CPNE4: variants seen among roughly 807,000 people sequenced by gnomAD.
The protein encoded by CPNE4 is copine 4, also known as copine-4.
In CPNE4, 25 loss-of-function variants were observed where a neutral mutation model predicts 67.9. The ratio of observed to expected loss-of-function variants is 0.37; its 90% confidence interval spans 0.27 to 0.51. The LOEUF is 0.51. Ranked by LOEUF, CPNE4 falls within the 20% of genes least tolerant of loss-of-function variation. The pLI is 0.93. For missense variants in CPNE4, 464 were observed against 690.8 expected, an observed-to-expected ratio of 0.67 and a Z score of 3.68; for synonymous variants, 242 against 244.9, an observed-to-expected ratio of 0.99 and a Z score of 0.11.
Position 131,565,163 on chromosome 3 carries a change from C to A in CPNE4, c.928-814G>T, listed in dbSNP as rs146840058. ...GTTAAAATGAGAAGAAACACTTCTT[C>A]TAATTTCCAACATCACCACCATCTA... On this transcript the variant is annotated intron_variant, in intron 10 of 15. Transcript: ENST00000429747. Among the ~76,000 whole-genome samples, 147 of 152,090 alleles carry A rather than the reference C, an allele frequency of 9.7e-4. 1 individual carries two copies. Among genetic ancestry groups the A allele is most frequent in the African/African-American group, 3.4e-3 (142 of 41,542 alleles).
intron 1 of CPNE4, among the ~76,000 whole-genome samples, chr3:132,005,041 A>G (rs962959901): frequency 2.6e-5 from 4 of 151,884 alleles, no homozygotes; most frequent in African/African-American, 9.7e-5. Context: ...AGCCAATAAG[A>G]TGTGACCAGA....
chr3:131,828,461 A>C (rs1394475527), intron 2 of CPNE4, among the ~76,000 whole-genome samples: 4 of 152,208 alleles, frequency 2.6e-5, no homozygotes, highest in Non-Finnish European at 5.9e-5. Flanking sequence ...TATTATAAGC[A>C]TTGGATTTTT....
intron 7 of CPNE4, among the ~76,000 whole-genome samples, chr3:131,619,028 G>A (rs1178393017): frequency 6.6e-6 from 1 of 152,156 alleles, no homozygotes; most frequent in Non-Finnish European, 1.5e-5. Context: ...TAAAGTTGTT[G>A]CCCATAGAGT....
chr3:131,791,617 T>C (rs1367234133), intron 2 of CPNE4, among the ~76,000 whole-genome samples: 2 of 152,114 alleles, frequency 1.3e-5, no homozygotes, highest in African/African-American at 4.8e-5. Flanking sequence ...GAAGTATGAG[T>C]TCTTAGGCAG....
chr3:131,850,230 A>T (rs373813362), intron 2 of CPNE4, among the ~76,000 whole-genome samples: 22 of 152,216 alleles, frequency 1.4e-4, no homozygotes, highest in African/African-American at 5.1e-4. Context: ...TTTCTAAAAA[A>T]TGCTCTCTAA....
chr3:131,794,122 C>T (rs181352394), intron 2 of CPNE4, among the ~76,000 whole-genome samples: 1 of 152,298 alleles, frequency 6.6e-6, no homozygotes, highest in Admixed American at 6.5e-5. Context: ...CTCTGACTGC[C>T]TCTGAGGAAT....
intron 2 of CPNE4, among the ~76,000 whole-genome samples, chr3:131,862,206 C>A (rs746160668): frequency 6.6e-6 from 1 of 152,178 alleles, no homozygotes; most frequent in Admixed American, 6.6e-5. Flanking sequence ...TCTTCTTGGT[C>A]TTTGATATCT....
chr3:131,747,653 T>G (rs2082526303), intron 2 of CPNE4, among the ~76,000 whole-genome samples: 1 of 152,138 alleles, frequency 6.6e-6, no homozygotes, highest in South Asian at 2.1e-4. Flanking sequence ...ATTGCAGGCA[T>G]GTACCACATG....
At chr3:131,966,372 A>G (rs1344377610) in intron 1 of CPNE4, among the ~76,000 whole-genome samples, 1 of 152,204 alleles carries the variant, frequency 6.6e-6, no homozygotes, top group African/African-American at 2.4e-5. Flanking sequence ...TAACCAAGAC[A>G]GAGCAGAACT....
At chr3:131,641,636 G>C (rs2079543986) in intron 7 of CPNE4, among the ~76,000 whole-genome samples, 1 of 152,140 alleles carries the variant, frequency 6.6e-6, no homozygotes, top group Non-Finnish European at 1.5e-5. Flanking sequence ...GTATCCTTTT[G>C]ATCTAGCAAT....
At chr3:131,779,818 C>A (rs2369301) in intron 2 of CPNE4, among the ~76,000 whole-genome samples, 111,252 of 151,824 alleles carry the variant, frequency 0.73, 40,851 homozygotes, top group East Asian at 0.87. Context: ...CACAAAAAAA[C>A]CCCACAACAA....
chr3:131,859,663 T>C (rs778786993), intron 2 of CPNE4, among the ~76,000 whole-genome samples: 4 of 152,174 alleles, frequency 2.6e-5, no homozygotes, highest in Non-Finnish European at 4.4e-5. Context: ...ATAGGCAAGA[T>C]TGAGCACCAA....
At chr3:131,997,005 GA>G (rs2073311706) in intron 1 of CPNE4, among the ~76,000 whole-genome samples, 1 of 151,954 alleles carries the variant, frequency 6.6e-6, no homozygotes, top group Non-Finnish European at 1.5e-5. Flanking sequence ...AACAGGCCTG[GA>G]GTGGAGGGGC....
At chr3:132,006,533 CA>C (rs1224912412) in intron 1 of CPNE4, among the ~76,000 whole-genome samples, 1 of 152,134 alleles carries the variant, frequency 6.6e-6, no homozygotes, top group East Asian at 1.9e-4. Flanking sequence ...GTTTCCAAAT[CA>C]GGTCTGCTGC....
intron 2 of CPNE4, among the ~76,000 whole-genome samples, chr3:131,746,150 C>T (rs962963358): frequency 6.6e-6 from 1 of 151,998 alleles, no homozygotes; most frequent in African/African-American, 2.4e-5. Flanking sequence ...TTATCATCAA[C>T]AGATAATAAG....
chr3:131,864,978 GT>G (rs2086870720), intron 2 of CPNE4, among the ~76,000 whole-genome samples: 1 of 151,960 alleles, frequency 6.6e-6, no homozygotes, highest in South Asian at 2.1e-4. Context: ...GGTTTTCGTC[GT>G]TGGTTCCATT....
At chr3:131,831,573 TTCTC>T (rs1326829298) in intron 2 of CPNE4, among the ~76,000 whole-genome samples, 3 of 152,278 alleles carry the variant, frequency 2.0e-5, no homozygotes, top group Middle Eastern at 3.4e-3. Context: ...TCTGAAGTCT[TTCTC>T]TTCTATGTTG....
intron 2 of CPNE4, among the ~76,000 whole-genome samples, chr3:131,868,257 A>G (rs764555745): frequency 6.6e-5 from 10 of 152,176 alleles, no homozygotes. Context: ...CCCCTACCAC[A>G]GTTAGGCGTG....
intron 7 of CPNE4, among the ~76,000 whole-genome samples, chr3:131,600,231 T>C (rs1939126723): frequency 6.6e-6 from 1 of 152,160 alleles, no homozygotes; most frequent in Admixed American, 6.5e-5. Context: ...GTTTATGGGT[T>C]AATGCTTCAT....
Sources: gnomAD v4.1 joint callset for allele counts (sites outside exome capture counted in the v4.1 genomes callset) on GRCh38, gnomAD v4.1.1 for gene constraint, MANE v1.5 for transcripts, NCBI Gene and HGNC (gene_info 2026-07-23, HGNC 2026-07-21) for gene names.